ZNF695: variants seen among roughly 807,000 people sequenced by gnomAD.
ZNF695 encodes the protein zinc finger protein SBZF3.
ZNF695 carries 11 observed loss-of-function variants against 11.2 expected under a neutral mutation model. That is an observed-to-expected ratio of 0.98 (90% CI 0.62 to 1.62). The LOEUF is 1.62. Among genes scored for constraint, ZNF695 ranks in the 40% most tolerant of loss-of-function variants. The pLI is 0.00. For synonymous variants in ZNF695, 190 were observed against 201.4 expected (o/e 0.94, Z 0.48); for missense variants, 559 against 590.5 (o/e 0.95, Z 0.55).
chr1:246,991,066 A>T (rs999133886), intron 3 of ZNF695, among the ~76,000 whole-genome samples: 1 of 152,222 alleles, frequency 6.6e-6, no homozygotes, highest in Admixed American at 6.5e-5. Flanking sequence ...GCAAGCGCAA[A>T]CAAAACCCAA....
At chr1:246,959,405 T>C (rs1365064950) in intron 5 of ZNF695, among the ~76,000 whole-genome samples, 2 of 144,008 alleles carry the variant, frequency 1.4e-5, no homozygotes, top group Non-Finnish European at 3.0e-5. Context: ...TATCTGCTTA[T>C]TCTAGAACCC....
Position 246,986,130 on chromosome 1 carries a change from C to A in ZNF695, c.*837G>T, listed in dbSNP as rs1052777025. Reference sequence around the variant, plus strand: ...TGTTGCCCAGGCAGGAGTGAAGTTGCCAGATAGCAGCTCACTGCATCCTCA... The same window carrying A: ...TGTTGCCCAGGCAGGAGTGAAGTTGACAGATAGCAGCTCACTGCATCCTCA... On this transcript the variant is annotated 3_prime_UTR_variant, in exon 4 of 4. Coordinates refer to ENST00000339986, the MANE Select transcript of ZNF695 (RefSeq NM_020394.5). 7.4e-6 allele frequency: 6 copies of A among 811,156 alleles called. No homozygotes were observed. In the Admixed American group the frequency reaches 3.1e-4, roughly 42 times the overall value. 50.2% of individuals were successfully genotyped at this position (811,156 alleles called of 1,614,324 possible).
intron 4 of ZNF695, among the ~76,000 whole-genome samples, chr1:246,970,261 G>A (rs11809736): frequency 0.012 from 1,828 of 152,214 alleles, 30 homozygotes; most frequent in African/African-American, 0.041. Context: ...CAAAATATAC[G>A]AAACAACTGT....
At chr1:246,945,754 C>A (rs1032178414) in exon 6 of ZNF695, 13 of 1,549,906 alleles carry the variant, frequency 8.4e-6, no homozygotes, top group Non-Finnish European at 1.0e-5. Flanking sequence ...AGCAGGGAGT[C>A]CAGGCACTGT....
chr1:246,986,607 G>A lies in ZNF695; in HGVS notation c.*360C>T. On this transcript the variant is annotated 3_prime_UTR_variant, in exon 4 of 4. Coordinates refer to ENST00000339986, the MANE Select transcript of ZNF695 (RefSeq NM_020394.5). Reference sequence around the variant, plus strand: ...AACAGTTTTTAGTGTGAACACTCTGGTGTTTTCTGAGGTATATTTTTTGAA... The same window carrying A: ...AACAGTTTTTAGTGTGAACACTCTGATGTTTTCTGAGGTATATTTTTTGAA... 3 of 1,015,388 alleles carry A rather than the reference G, an allele frequency of 3.0e-6. No individual in the cohort carries two copies. Among genetic ancestry groups the A allele is most frequent in the African/African-American group, 1.7e-5 (1 of 58,386 alleles). 62.9% of individuals were successfully genotyped at this position (1,015,388 alleles called of 1,614,324 possible).
chr1:246,980,709 C>A (rs1030322257), downstream of ZNF695, among the ~76,000 whole-genome samples: 1 of 152,118 alleles, frequency 6.6e-6, no homozygotes, highest in African/African-American at 2.4e-5. Flanking sequence ...TGAGCCACCG[C>A]ACCCGGCCGA....
chr1:246,951,922 A>G (rs1393387794), intron 5 of ZNF695, among the ~76,000 whole-genome samples: 1 of 152,162 alleles, frequency 6.6e-6, no homozygotes, highest in Non-Finnish European at 1.5e-5. Context: ...GCACCAGTTC[A>G]TCTTTGTTTA....
At chr1:246,993,810 A>G (rs777370168) in intron 3 of ZNF695, among the ~76,000 whole-genome samples, 1 of 152,230 alleles carries the variant, frequency 6.6e-6, no homozygotes, top group Non-Finnish European at 1.5e-5. Flanking sequence ...AAAAAGAAAT[A>G]GAAATTATGG....
At position 246,986,427 on chromosome 1, in the gene ZNF695, TTTAAC is replaced by T. The variant is rs975940904; in HGVS notation, c.*535_*539del. The T allele has an allele frequency of 1.8e-5, 18 of 985,512 alleles. No individual in the cohort carries two copies. The Admixed American group carries it at 1.8e-4, about 10-fold the overall frequency. The allele number at this position is 985,512 out of a possible 1,614,324, so 61.0% of individuals were successfully genotyped here. ...CCCAAAAGGTGAATCTCCTACTTAC[TTTAAC>T]TTAACTTTGAATTATTCTCTATAAC... On this transcript the variant is annotated 3_prime_UTR_variant, in exon 4 of 4. Transcript: ENST00000339986.
At chr1:247,002,448 C>CT (rs1329665938) in intron 1 of ZNF695, among the ~76,000 whole-genome samples, 1 of 152,152 alleles carries the variant, frequency 6.6e-6, no homozygotes, top group African/African-American at 2.4e-5. Context: ...CCTAGATGAA[C>CT]TAGAAAACCA....
At chr1:246,958,301 G>A (rs1020964818) in intron 5 of ZNF695, among the ~76,000 whole-genome samples, 7 of 151,924 alleles carry the variant, frequency 4.6e-5, no homozygotes, top group African/African-American at 1.7e-4. Context: ...CTCGTGATCT[G>A]CCCTCCTCGG....
At chr1:246,976,990 A>T (rs1024872212) in intron 4 of ZNF695, among the ~76,000 whole-genome samples, 4 of 152,192 alleles carry the variant, frequency 2.6e-5, no homozygotes, top group African/African-American at 9.7e-5. Flanking sequence ...GCAGGGACAC[A>T]TATCCAAACT....
intron 5 of ZNF695, among the ~76,000 whole-genome samples, chr1:246,950,430 A>G (rs948622856): frequency 2.6e-5 from 4 of 152,130 alleles, no homozygotes; most frequent in African/African-American, 9.7e-5. Flanking sequence ...TGGGCGGATC[A>G]CCTGAGGTCA....
chr1:246,963,597 C>A (rs1668216505), intron 5 of ZNF695, among the ~76,000 whole-genome samples: 1 of 152,200 alleles, frequency 6.6e-6, no homozygotes, highest in African/African-American at 2.4e-5. Flanking sequence ...GGGAAGAAGG[C>A]TGGCAGTGCC....
At chr1:246,966,780 T>C in intron 5 of ZNF695, 1 of 456,498 alleles carries the variant, frequency 2.2e-6, no homozygotes, top group South Asian at 1.5e-5. Context: ...CAAGACCCTA[T>C]TTTTAAAGGA....
At chr1:247,000,170 T>A in intron 1 of ZNF695, 96 bp from the exon 2 acceptor site, 1 of 983,578 alleles carries the variant, frequency 1.0e-6, no homozygotes, top group Non-Finnish European at 1.5e-6. Context: ...CTCTGACTTA[T>A]ATGAGTGACT....
intron 5 of ZNF695, among the ~76,000 whole-genome samples, chr1:246,958,453 C>T (rs1274149206): frequency 6.6e-6 from 1 of 152,104 alleles, no homozygotes; most frequent in Non-Finnish European, 1.5e-5. Flanking sequence ...AAGAAACCTC[C>T]ATTTATTTTT....
chr1:246,961,567 C>T (rs141138718), intron 5 of ZNF695, among the ~76,000 whole-genome samples: 33 of 152,306 alleles, frequency 2.2e-4, no homozygotes, highest in African/African-American at 7.2e-4. Flanking sequence ...CTTCCCAAGA[C>T]ACTCAGGGAA....
Position 246,988,222 on chromosome 1 carries a change from G to C in ZNF695, c.293C>G (p.Pro98Arg). 6.3e-7 allele frequency: 1 copy of C among 1,576,754 alleles called. No individual in the cohort carries two copies. The highest frequency in any genetic ancestry group is 8.6e-7 in the Non-Finnish European group (1 of 1,165,928). ...GAATGAAACTTGCAGGCCCTGCTCT[G>C]GCAAAATGTCTTCAGTAAGATAAGA... ...LSSYLTEDIL[P>R]EQGLQVSFQK... is the part of the protein sequence containing the mutation. Residue 98 changes from proline to arginine, a missense_variant, in exon 4 of 4, where the codon CCA becomes CGA. Pro to Arg is a moderately radical substitution (Grantham distance 103). Transcript: ENST00000339986.
Sources: allele counts gnomAD v4.1 joint callset (sites outside exome capture counted in the v4.1 genomes callset), GRCh38; gene constraint gnomAD v4.1.1; transcripts MANE v1.5; gene names NCBI Gene and HGNC (gene_info 2026-07-23, HGNC 2026-07-21).